Variants in EXOC6B observed in about 807,000 individuals in gnomAD.
EXOC6B encodes the protein exocyst complex component 6B.
A neutral mutation model predicts 113.5 loss-of-function variants in EXOC6B; 54 were observed. That is an observed-to-expected ratio of 0.48 (90% CI 0.38 to 0.60). The LOEUF is 0.60. EXOC6B is among the 20% of genes least tolerant of loss of function. EXOC6B has a pLI of 0.00. For missense variants in EXOC6B, 797 were observed against 977.5 expected (o/e 0.82, Z 2.46); for synonymous variants, 357 against 339.0 (o/e 1.05, Z -0.58).
At chr2:72,651,928 G>A (rs1181444628) in intron 6 of EXOC6B, among the ~76,000 whole-genome samples, 1 of 152,102 alleles carries the variant, frequency 6.6e-6, no homozygotes, top group Non-Finnish European at 1.5e-5. Context: ...GATTGAAAGA[G>A]AAGATATATA....
At chr2:72,184,215 G>A (rs1354345968) in intron 20 of EXOC6B, 28 bp from the exon 21 acceptor site, 2 of 1,254,868 alleles carry the variant, frequency 1.6e-6, no homozygotes, top group South Asian at 2.6e-5. Flanking sequence ...CCCACCCCAG[G>A]GATTAGTCAG....
intron 8 of EXOC6B, among the ~76,000 whole-genome samples, chr2:72,544,259 A>G (rs1243280161): frequency 2.6e-5 from 4 of 152,186 alleles, no homozygotes; most frequent in Admixed American, 2.6e-4. Flanking sequence ...TTCCTCTCTA[A>G]AACCAATGAT....
intron 20 of EXOC6B, among the ~76,000 whole-genome samples, chr2:72,315,019 A>G (rs1427437667): frequency 1.3e-5 from 2 of 152,204 alleles, no homozygotes; most frequent in African/African-American, 4.8e-5. Flanking sequence ...TCTTCAGAGA[A>G]AAATGAAGAG....
chr2:72,784,032 G>A (rs934673530), intron 1 of EXOC6B, among the ~76,000 whole-genome samples: 4 of 152,170 alleles, frequency 2.6e-5, no homozygotes, highest in African/African-American at 4.8e-5. Context: ...TGTAAACGGT[G>A]AGGGGGTCCA....
chr2:72,293,931 G>T (rs928699585), intron 20 of EXOC6B, among the ~76,000 whole-genome samples: 11 of 152,026 alleles, frequency 7.2e-5, no homozygotes, highest in Non-Finnish European at 1.6e-4. Flanking sequence ...AGACCATCAA[G>T]TTCCAGAGGA....
chr2:72,593,520 T>C (rs115610303), intron 6 of EXOC6B, among the ~76,000 whole-genome samples: 4,338 of 152,188 alleles, frequency 0.029, 236 homozygotes, highest in African/African-American at 0.099. Context: ...AGAAAACCAT[T>C]TGCTGTCAGA....
intron 6 of EXOC6B, among the ~76,000 whole-genome samples, chr2:72,643,136 GA>G (rs1673393667): frequency 6.6e-6 from 1 of 151,740 alleles, no homozygotes; most frequent in African/African-American, 2.4e-5. Flanking sequence ...AGGATGTGGA[GA>G]AATAGGAACA....
chr2:72,579,402 AG>A (rs1413871891), intron 6 of EXOC6B, among the ~76,000 whole-genome samples: 1 of 152,218 alleles, frequency 6.6e-6, no homozygotes, highest in East Asian at 1.9e-4. Context: ...CCCCAAGTCC[AG>A]AAAGTGGCAT....
At chr2:72,205,412 T>C (rs1423024170) in intron 20 of EXOC6B, among the ~76,000 whole-genome samples, 1 of 151,144 alleles carries the variant, frequency 6.6e-6, no homozygotes, top group Non-Finnish European at 1.5e-5. Context: ...TTAAACCCTC[T>C]AGGATTCCAA....
At chr2:72,413,122 C>T (rs925641958) in intron 18 of EXOC6B, among the ~76,000 whole-genome samples, 1 of 151,916 alleles carries the variant, frequency 6.6e-6, no homozygotes, top group Admixed American at 6.6e-5. Context: ...CCACGCCCGG[C>T]GAAGTTTTTT....
chr2:72,318,178 G>A (rs1028442161), intron 20 of EXOC6B, among the ~76,000 whole-genome samples: 27 of 152,102 alleles, frequency 1.8e-4, no homozygotes, highest in Admixed American at 1.0e-3. Context: ...AGTGATTATC[G>A]AATGTCTTGG....
chr2:72,560,922 A>G (rs1229562161), intron 7 of EXOC6B, among the ~76,000 whole-genome samples: 4 of 152,032 alleles, frequency 2.6e-5, no homozygotes, highest in African/African-American at 9.7e-5. Flanking sequence ...TGCAGCATGC[A>G]GTTTAAAAAC....
At chr2:72,290,280 C>T (rs931668891) in intron 20 of EXOC6B, among the ~76,000 whole-genome samples, 8 of 152,178 alleles carry the variant, frequency 5.3e-5, no homozygotes, top group African/African-American at 1.9e-4. Context: ...ATACATATTA[C>T]ACATCTTTTA....
rs1244107984 is a variant in EXOC6B, at chr2:72,192,733, G to A, written c.2197-8546C>T. Among the ~76,000 whole-genome samples the A allele has an allele frequency of 3.3e-5, 5 of 152,268 alleles. No homozygotes were observed. The East Asian group carries it at 7.7e-4, about 24-fold the overall frequency. ...TCCCCAGGGGTGATTTTCTTTACAT[G>A]CATGTTTTCGCTTGAACAGGAACAC... On this transcript the variant is annotated intron_variant, in intron 20 of 21. Transcript: ENST00000272427.
intron 16 of EXOC6B, among the ~76,000 whole-genome samples, chr2:72,482,280 A>G (rs1205617405): frequency 6.6e-6 from 1 of 152,256 alleles, no homozygotes; most frequent in East Asian, 1.9e-4. Context: ...TTTCTTAACT[A>G]TTAAACCATA....
chr2:72,361,700 C>A (rs1173810371), intron 19 of EXOC6B, among the ~76,000 whole-genome samples: 1 of 152,194 alleles, frequency 6.6e-6, no homozygotes, highest in African/African-American at 2.4e-5. Context: ...GACAAAACCA[C>A]AAGCAAGCCT....
intron 19 of EXOC6B, among the ~76,000 whole-genome samples, chr2:72,360,092 AC>A (rs1690212352): frequency 6.6e-6 from 1 of 151,504 alleles, no homozygotes; most frequent in Admixed American, 6.6e-5. Flanking sequence ...AGCCTCAGAT[AC>A]TTTTTTTTTT....
chr2:72,526,658 A>G (rs991487926), intron 8 of EXOC6B, among the ~76,000 whole-genome samples: 2 of 151,976 alleles, frequency 1.3e-5, no homozygotes, highest in Non-Finnish European at 2.9e-5. Context: ...TTTAGAATCT[A>G]AGAATAAATA....
At chr2:72,311,828 G>C (rs1241991458) in intron 20 of EXOC6B, among the ~76,000 whole-genome samples, 1 of 152,218 alleles carries the variant, frequency 6.6e-6, no homozygotes. Context: ...GGGATGGATA[G>C]AGGAAAGAAG....
Sources: gnomAD v4.1 joint callset for allele counts (sites outside exome capture counted in the v4.1 genomes callset) on GRCh38, gnomAD v4.1.1 for gene constraint, MANE v1.5 for transcripts, NCBI Gene and HGNC (gene_info 2026-07-23, HGNC 2026-07-21) for gene names.